OR14J1: variants seen among roughly 807,000 people sequenced by gnomAD.
OR14J1 encodes the protein olfactory receptor 14J1.
For missense variants in OR14J1, 378 were observed against 393.4 expected (o/e 0.96, Z 0.33); for synonymous variants, 140 against 146.7 (o/e 0.95, Z 0.33).
At position 29,307,837 on chromosome 6, in the gene OR14J1, G is replaced by T. The variant is rs1582267262; in HGVS notation, c.*182G>T. On this transcript the variant is annotated 3_prime_UTR_variant, in exon 2 of 2. Coordinates refer to ENST00000641895, the MANE Select transcript of OR14J1 (RefSeq NM_030946.2). ...GCTTTCCTTCCTCCCTCCAATTCAA[G>T]TGTTATTTTAAGTCATCTTTGGAAA... The T allele has an allele frequency of 4.1e-6, 2 of 484,754 alleles. No homozygotes were observed. Among genetic ancestry groups the T allele is most frequent in the Non-Finnish European group, 7.1e-6 (2 of 280,714 alleles). The allele number at this position is 484,754 out of a possible 1,614,324, so 30.0% of individuals were successfully genotyped here. A position where few individuals can be genotyped will look rare whatever the true frequency, so the allele number is the denominator to read the frequency against.
Position 29,311,322 on chromosome 6 carries a change from G to C in OR14J1, c.*3667G>C, listed in dbSNP as rs940779725. On this transcript the variant is annotated 3_prime_UTR_variant, in exon 2 of 2. Coordinates refer to ENST00000641895, the MANE Select transcript of OR14J1 (RefSeq NM_030946.2). ...TTTATTGAGAGTTTTTAGCATGAAG[G>C]GCTGCTGAATTTTGTCGAAGGCCTT... is the stretch of plus-strand genomic sequence containing the variant. The C allele has an allele frequency of 6.6e-6, 1 of 152,090 alleles. No individual in the cohort carries two copies. Among genetic ancestry groups the C allele is most frequent in the Non-Finnish European group, 1.5e-5 (1 of 68,012 alleles). The allele number at this position is 152,090 out of a possible 1,614,324, so 9.4% of individuals were successfully genotyped here.
In OR14J1 at chr6:29,312,442, A is replaced by G. The variant is rs941840211; in HGVS notation, c.*4787A>G. Reference sequence around the variant, plus strand: ...TCTGGGCTGGAGTGCACTGTTCCTCATGGCTCAGTCCCTCATGGCTTCCCT... The same window carrying G: ...TCTGGGCTGGAGTGCACTGTTCCTCGTGGCTCAGTCCCTCATGGCTTCCCT... On this transcript the variant is annotated 3_prime_UTR_variant, in exon 2 of 2. Transcript: ENST00000641895. The G allele has an allele frequency of 2.3e-5, 4 of 175,972 alleles. No individual in the cohort carries two copies. 10.9% of individuals were successfully genotyped at this position (175,972 alleles called of 1,614,324 possible). A position where few individuals can be genotyped will look rare whatever the true frequency, so the allele number is the denominator to read the frequency against.
rs1225879692 is a variant in OR14J1, at chr6:29,307,697, TGGAAGAGA to T, written c.*45_*52del. 8.4e-6 allele frequency: 10 copies of T among 1,188,312 alleles called. No individual in the cohort carries two copies. The African/African-American group carries it at 1.5e-4, about 18-fold the overall frequency. 73.6% of individuals were successfully genotyped at this position (1,188,312 alleles called of 1,614,324 possible). On this transcript the variant is annotated 3_prime_UTR_variant, in exon 2 of 2. Transcript: ENST00000641895. ...AAGGCATTGTTATTATGTTTCAGAT[TGGAAGAGA>T]GGTGAATCTTATTTCTACCCAGAAT...
intron 1 of OR14J1, among the ~76,000 whole-genome samples, chr6:29,304,235 C>T (rs3117426): frequency 0.2 from 30,627 of 152,012 alleles, 3,298 homozygotes; most frequent in African/African-American, 0.27. Flanking sequence ...TTAGAGTTTA[C>T]CTACATAACA....
At chr6:29,306,290 T>C (rs1478968394) in intron 1 of OR14J1, among the ~76,000 whole-genome samples, 1 of 152,192 alleles carries the variant, frequency 6.6e-6, no homozygotes, top group Non-Finnish European at 1.5e-5. Flanking sequence ...TCATGTTAGC[T>C]GGTTAGCAAA....
Position 29,307,102 on chromosome 6 carries a change from C to T in OR14J1, c.413C>T (p.Ala138Val), listed in dbSNP as rs1775150972. 11 of 1,612,968 alleles carry T rather than the reference C, an allele frequency of 6.8e-6. No homozygotes were observed. Among genetic ancestry groups the T allele is most frequent in the Non-Finnish European group, 9.3e-6 (11 of 1,180,020 alleles). Reference sequence around the variant, plus strand: ...TATGAGACTATTATGGATCCCCGTGCCTGTAGGCATGCAGTGATAGCTGTG... The same window carrying T: ...TATGAGACTATTATGGATCCCCGTGTCTGTAGGCATGCAGTGATAGCTGTG... ...LHYETIMDPR[A>V]CRHAVIAVWI... is the part of the protein sequence containing the mutation. The change falls in exon 2 of 2, where the codon GCC (alanine) becomes GTC (valine). Residue 138 changes from alanine to valine, a missense_variant. Physicochemically the swap from Ala to Val is moderately conservative, Grantham distance 64. Coordinates refer to ENST00000641895, the MANE Select transcript of OR14J1 (RefSeq NM_030946.2).
Position 29,307,040 on chromosome 6 carries a change from T to G in OR14J1, c.351T>G (p.Ser117=). 2 of 1,613,094 alleles carry G rather than the reference T, an allele frequency of 1.2e-6. No individual in the cohort carries two copies. ...AAGTGGCCATTCTCACAGTGATGTC[T>G]TATGACAGGTACGCAGCAATCTGTC... ...SSEVAILTVM[S]YDRYAAICQP... is the part of the protein sequence containing the mutation. The change falls in exon 2 of 2, where the codon TCT becomes TCG. Residue 117 remains serine, a synonymous_variant. Coordinates refer to ENST00000641895, the MANE Select transcript of OR14J1 (RefSeq NM_030946.2).
chr6:29,305,898 T>G (rs948540669), intron 1 of OR14J1, among the ~76,000 whole-genome samples: 6 of 152,158 alleles, frequency 3.9e-5, no homozygotes, highest in African/African-American at 1.4e-4. Context: ...GCCTATCACA[T>G]AGATTTTAGA....
In OR14J1 at chr6:29,307,882, G is replaced by T. The variant is rs978466959; in HGVS notation, c.*227G>T. 1 of 441,794 alleles carries T rather than the reference G, an allele frequency of 2.3e-6. No homozygotes were observed. The highest frequency in any genetic ancestry group is 2.0e-5 in the African/African-American group (1 of 49,910). The allele number at this position is 441,794 out of a possible 1,614,324, so 27.4% of individuals were successfully genotyped here. ...TGGAAAATTTTTCTGAAATGAAGGA[G>T]AAAGACAATTAGTTTGGAGTCTGGC... is the stretch of plus-strand genomic sequence containing the variant. On this transcript the variant is annotated 3_prime_UTR_variant, in exon 2 of 2. Transcript: ENST00000641895.
chr6:29,306,191 T>A (rs1352047623), intron 1 of OR14J1, among the ~76,000 whole-genome samples: 1 of 152,202 alleles, frequency 6.6e-6, no homozygotes, highest in Non-Finnish European at 1.5e-5. Context: ...TTCTTTGAGC[T>A]AACCTCTCTT....
In OR14J1 at chr6:29,308,211, A is replaced by C. The variant is rs1458608531; in HGVS notation, c.*556A>C. ...ACAATAAATTTAGGAAGGATTAGTT[A>C]ATTTTCCTGAGATTTCTCAAATAAA... On this transcript the variant is annotated 3_prime_UTR_variant, in exon 2 of 2. Transcript: ENST00000641895. 1 of 152,124 alleles carries C rather than the reference A, an allele frequency of 6.6e-6. No individual in the cohort carries two copies. Among genetic ancestry groups the C allele is most frequent in the Non-Finnish European group, 1.5e-5 (1 of 68,010 alleles). The allele number at this position is 152,124 out of a possible 1,614,324, so 9.4% of individuals were successfully genotyped here.
Position 29,307,124 on chromosome 6 carries a change from T to C in OR14J1, c.435T>C (p.Ala145=). 1.2e-6 allele frequency: 2 copies of C among 1,613,066 alleles called. No homozygotes were observed. The highest frequency in any genetic ancestry group is 1.7e-6 in the Non-Finnish European group (2 of 1,180,020). Residue 145 remains alanine (A), a synonymous_variant, in exon 2 of 2, where the codon GCT becomes GCC. Coordinates refer to ENST00000641895, the MANE Select transcript of OR14J1 (RefSeq NM_030946.2). ...GTGCCTGTAGGCATGCAGTGATAGC[T>C]GTGTGGATTGCTGGGGGCCTCTCTG... The part of the protein sequence containing the change: ...DPRACRHAVI[A]VWIAGGLSGL...
chr6:29,305,095 C>T (rs1185288845), intron 1 of OR14J1, among the ~76,000 whole-genome samples: 1 of 152,140 alleles, frequency 6.6e-6, no homozygotes, highest in African/African-American at 2.4e-5. Flanking sequence ...AAGAAAGTAA[C>T]CCCTGTTTTC....
At chr6:29,304,557 A>C (rs1476253921) in intron 1 of OR14J1, among the ~76,000 whole-genome samples, 1 of 152,254 alleles carries the variant, frequency 6.6e-6, no homozygotes, top group African/African-American at 2.4e-5. Context: ...GAGTATCTCC[A>C]CACGTATATG....
At position 29,307,657 on chromosome 6, in the gene OR14J1, G is replaced by A; in HGVS notation, c.*2G>A. On this transcript the variant is annotated 3_prime_UTR_variant, in exon 2 of 2. Transcript: ENST00000641895. The stretch of plus-strand genomic sequence containing the variant: ...TTAAAAGCCATGTTTAAACTCTGAA[G>A]AACCATACAAATGAAAGGCATTGTT... 1 of 1,521,194 alleles carries A rather than the reference G, an allele frequency of 6.6e-7. No individual in the cohort carries two copies. The highest frequency in any genetic ancestry group is 1.2e-5 in the South Asian group (1 of 84,920). 94.2% of individuals were successfully genotyped at this position (1,521,194 alleles called of 1,614,324 possible).
chr6:29,306,650 C>T lies in OR14J1; in HGVS notation c.-28-12C>T. On this transcript the variant is annotated splice_polypyrimidine_tract_variant and intron_variant, in intron 1 of 1. Coordinates refer to ENST00000641895, the MANE Select transcript of OR14J1 (RefSeq NM_030946.2). The stretch of plus-strand genomic sequence containing the variant: ...TGCATTTTCTTCCTACTGTCTTTGG[C>T]TTCCTAAACAGAGTCACACTTGGTA... 3.0e-6 allele frequency: 4 copies of T among 1,344,760 alleles called. No homozygotes were observed. Among genetic ancestry groups the T allele is most frequent in the African/African-American group, 1.4e-5 (1 of 69,542 alleles). 83.3% of individuals were successfully genotyped at this position (1,344,760 alleles called of 1,614,324 possible).
rs921455435 is a variant in OR14J1 at position 29,305,325 on chromosome 6, A to C, written c.-28-1337A>C. Among the ~76,000 whole-genome samples the C allele has an allele frequency of 4.6e-5, 7 of 152,372 alleles. 1 individual carries two copies. Among genetic ancestry groups the C allele is most frequent in the Admixed American group, 3.3e-4 (5 of 15,304 alleles). On this transcript the variant is annotated intron_variant, in intron 1 of 1. Transcript: ENST00000641895. ...GGATTAATAAATGAAACAAACTACA[A>C]TATCAGATGCAGTTACTTCAAAATC...
intron 1 of OR14J1, among the ~76,000 whole-genome samples, chr6:29,305,860 A>G (rs1490494034): frequency 6.6e-6 from 1 of 152,152 alleles, no homozygotes; most frequent in Non-Finnish European, 1.5e-5. Flanking sequence ...AGCACTAGAA[A>G]GATATATACT....
rs1240305551 is a variant in OR14J1, at chr6:29,307,909, T to G, written c.*254T>G. 2.8e-6 allele frequency: 1 copy of G among 352,720 alleles called. No homozygotes were observed. The highest frequency in any genetic ancestry group is 5.0e-5 in the East Asian group (1 of 20,122). The allele number at this position is 352,720 out of a possible 1,614,324, so 21.8% of individuals were successfully genotyped here. ...AAGACAATTAGTTTGGAGTCTGGCC[T>G]GTATAATTTAAAACTTGTTATTAAC... On this transcript the variant is annotated 3_prime_UTR_variant, in exon 2 of 2. Coordinates refer to ENST00000641895, the MANE Select transcript of OR14J1 (RefSeq NM_030946.2).
Sources: allele counts gnomAD v4.1 joint callset (sites outside exome capture counted in the v4.1 genomes callset), GRCh38; gene constraint gnomAD v4.1.1; transcripts MANE v1.5; gene names NCBI Gene and HGNC (gene_info 2026-07-23, HGNC 2026-07-21).